The following DDX31 variants were observed in gnomAD, a reference collection of about 807,000 sequenced individuals.
DDX31 encodes DEAD-box helicase 31.
Under a neutral mutation model 91.3 loss-of-function variants are expected in DDX31, and 70 were observed. The observed-to-expected ratio is 0.77, with a 90% confidence interval of 0.63 to 0.94. The LOEUF is 0.94. DDX31 is among the 40% of genes least tolerant of loss of function. The pLI is 0.00. For synonymous variants in DDX31, 362 were observed against 350.6 expected (o/e 1.03, Z -0.36); for missense variants, 902 against 925.0 (o/e 0.98, Z 0.32).
intron 9 of DDX31, among the ~76,000 whole-genome samples, chr9:132,649,134 G>A (rs1482977504): frequency 6.6e-6 from 1 of 151,934 alleles, no homozygotes; most frequent in African/African-American, 2.4e-5. Context: ...AGAGACGGGG[G>A]TCTCACTATG....
Position 132,625,766 on chromosome 9 carries a change from C to A in DDX31, c.1632-21G>T, listed in dbSNP as rs373900113. On this transcript the variant is annotated intron_variant, in intron 16 of 19. Coordinates refer to ENST00000372159, the MANE Select transcript of DDX31 (RefSeq NM_022779.9). ...AAACGCTGTAAAAGGAAGGGCACAG[C>A]AAGGTAACTTTTTGCTCTTTCAAAA... 5 of 1,606,294 alleles carry A rather than the reference C, an allele frequency of 3.1e-6. No individual in the cohort carries two copies. The South Asian group carries it at 3.3e-5, about 11-fold the overall frequency.
At chr9:132,658,626 C>T (rs374586229) in intron 6 of DDX31, 45 bp downstream of exon 6, 14 of 1,547,468 alleles carry the variant, frequency 9.0e-6, no homozygotes, top group Non-Finnish European at 7.1e-6. Context: ...TTGATGGTTG[C>T]TTATGCACTA....
intron 17 of DDX31, among the ~76,000 whole-genome samples, chr9:132,624,445 C>T (rs1832266165): frequency 6.6e-6 from 1 of 152,182 alleles, no homozygotes; most frequent in Non-Finnish European, 1.5e-5. Context: ...AATTTCACCT[C>T]TAAATATGAC....
chr9:132,653,264 C>A (rs1834330100), intron 6 of DDX31, among the ~76,000 whole-genome samples: 1 of 151,812 alleles, frequency 6.6e-6, no homozygotes, highest in Admixed American at 6.6e-5. Context: ...GAGGCCAAGA[C>A]AGGCGGATCA....
At chr9:132,663,268 T>G (rs1349651724) in intron 1 of DDX31, 2 of 1,289,222 alleles carry the variant, frequency 1.6e-6, no homozygotes, top group Non-Finnish European at 2.0e-6. Flanking sequence ...CCTCTCAAGC[T>G]GCTCCTCCAG....
intron 19 of DDX31, among the ~76,000 whole-genome samples, chr9:132,600,038 C>T (rs1440276686): frequency 6.6e-6 from 1 of 152,208 alleles, no homozygotes; most frequent in Admixed American, 6.5e-5. Flanking sequence ...ACAGGCAACT[C>T]CAGGGGAATG....
rs889005900 is a variant in DDX31, at chr9:132,605,727, T to C, written c.1994+6360A>G. 5.9e-5 allele frequency among the ~76,000 whole-genome samples: 9 copies of C among 151,996 alleles called. No individual in the cohort carries two copies. The South Asian group carries it at 1.9e-3, about 32-fold the overall frequency. On this transcript the variant is annotated intron_variant, in intron 19 of 19. Transcript: ENST00000372159. ...GGAGAGGTCCAGGCCCAGGACATGTTCAGGCAAAGGCCCTGAGGAAAGGAT... is the reference window on the plus strand; with the variant it reads ...GGAGAGGTCCAGGCCCAGGACATGTCCAGGCAAAGGCCCTGAGGAAAGGAT...
intron 17 of DDX31, among the ~76,000 whole-genome samples, chr9:132,622,500 A>G (rs1424567711): frequency 1.3e-5 from 2 of 152,176 alleles, no homozygotes; most frequent in Non-Finnish European, 2.9e-5. Flanking sequence ...CCTTCAGGAG[A>G]GGCTTCCTGC....
chr9:132,663,163 G>A (rs189001262), intron 1 of DDX31: 319 of 1,287,902 alleles, frequency 2.5e-4, no homozygotes, highest in Non-Finnish European at 3.1e-4. Flanking sequence ...GCACAGGAGA[G>A]AGGGGCGAGG....
rs1394393188 is a variant in DDX31 at position 132,599,048 on chromosome 9, GCT to G, written c.1995-3938_1995-3937del. Among the ~76,000 whole-genome samples, 6 of 152,298 alleles carry G rather than the reference GCT, an allele frequency of 3.9e-5. No homozygotes were observed. In the East Asian group the frequency reaches 1.2e-3, roughly 29 times the overall value. On this transcript the variant is annotated intron_variant, in intron 19 of 19. Transcript: ENST00000372159. ...ATGACCACAATGGCGCCCTTCATGG[GCT>G]CTACAAATAGATGAAAACATTGAAG...
chr9:132,637,348 A>G (rs1207870213), intron 14 of DDX31, among the ~76,000 whole-genome samples: 2 of 152,238 alleles, frequency 1.3e-5, no homozygotes, highest in East Asian at 3.8e-4. Context: ...TGCTAAAGTC[A>G]GTTCTGAAAG....
rs752778497 is a variant in DDX31, at chr9:132,595,075, G to A, written c.2032C>T (p.Leu678Phe). The A allele has an allele frequency of 3.1e-6, 5 of 1,614,238 alleles. No homozygotes were observed. The highest frequency in any genetic ancestry group is 1.6e-4 in the Middle Eastern group (1 of 6,062). The change falls in exon 20 of 20, where the codon CTC becomes TTC. Residue 678 changes from leucine (L) to phenylalanine (F), a missense_variant. Transcript: ENST00000372159. This position sits in a 1 kb window ranked among gnomAD's most constrained non-coding sequence, Gnocchi z 4.6. ...LHKKTQSKHS[L>F]AEILRSEYSS... is the part of the protein sequence containing the mutation. ...TATTCCGAACGTAGGATTTCAGCGA[G>A]GCTGTGTTTACTCTGGGTCTTCTTA...
chr9:132,646,971 T>A lies in DDX31; in HGVS notation c.1055A>T (p.Asp352Val). ...DKSHDQLNPKDKAVQEVCPPP... is the reference protein window; with the variant it reads ...DKSHDQLNPKVKAVQEVCPPP... ...AGGACAGACCTCCTGGACCGCTTTG[T>A]CCTTTGGGTTCAACTGGTCATGGCT... Residue 352 changes from aspartate to valine, a missense_variant, in exon 12 of 20, where the codon GAC (aspartate) becomes GTC (valine). Physicochemically the swap from Asp to Val is radical, Grantham distance 152. Coordinates refer to ENST00000372159, the MANE Select transcript of DDX31 (RefSeq NM_022779.9). 6.2e-7 allele frequency: 1 copy of A among 1,614,166 alleles called. No homozygotes were observed. The highest frequency in any genetic ancestry group is 8.5e-7 in the Non-Finnish European group (1 of 1,180,020).
At chr9:132,596,058 TTCAATACCAAAACGGCAATG>T (rs1431396373) in intron 19 of DDX31, among the ~76,000 whole-genome samples, 4 of 152,220 alleles carry the variant, frequency 2.6e-5, no homozygotes, top group Non-Finnish European at 5.9e-5. Flanking sequence ...TGGCAACTCC[TTCAATACCAAAACGGCAATG>T]TCTTAGGATA....
At chr9:132,607,173 T>A (rs1327846744) in intron 19 of DDX31, among the ~76,000 whole-genome samples, 1 of 152,108 alleles carries the variant, frequency 6.6e-6, no homozygotes, top group East Asian at 1.9e-4. Flanking sequence ...AGCCACAGGG[T>A]GCGCTGGTTC....
chr9:132,669,552 CG>C (rs1835579018), intron 1 of DDX31: 1 of 1,441,358 alleles, frequency 6.9e-7, no homozygotes, highest in South Asian at 1.2e-5. Context: ...GGACTTGCGC[CG>C]GAACTTCAGG....
intron 18 of DDX31, among the ~76,000 whole-genome samples, chr9:132,617,725 A>C (rs923182846): frequency 1.1e-4 from 17 of 151,880 alleles, no homozygotes; most frequent in African/African-American, 3.9e-4. Context: ...CCCTTCAGCC[A>C]TACACTGCTT....
intron 7 of DDX31, 141 bp downstream of exon 7, chr9:132,652,307 G>C (rs1169101709): frequency 3.3e-6 from 3 of 900,548 alleles, no homozygotes; most frequent in Non-Finnish European, 5.1e-6. Flanking sequence ...ACAAGAACCA[G>C]AAGGATGGTT....
At position 132,623,109 on chromosome 9, in the gene DDX31, G is replaced by A. The variant is rs552607006; in HGVS notation, c.1713+2555C>T. Among the ~76,000 whole-genome samples the A allele has an allele frequency of 6.7e-5, 10 of 149,088 alleles. No individual in the cohort carries two copies. The South Asian group carries it at 2.1e-3, about 32-fold the overall frequency. On this transcript the variant is annotated intron_variant, in intron 17 of 19. Coordinates refer to ENST00000372159, the MANE Select transcript of DDX31 (RefSeq NM_022779.9). Reference sequence around the variant, plus strand: ...CACGCCAGTGCATTCCAGCCTGGGAGACACAGCAAGACTCCATCTCAAAAA... The same window carrying A: ...CACGCCAGTGCATTCCAGCCTGGGAAACACAGCAAGACTCCATCTCAAAAA...
Sources: allele counts gnomAD v4.1 joint callset (sites outside exome capture counted in the v4.1 genomes callset), GRCh38; gene constraint gnomAD v4.1.1; non-coding constraint Gnocchi (gnomAD v3.1); transcripts MANE v1.5; gene names NCBI Gene and HGNC (gene_info 2026-07-23, HGNC 2026-07-21).